Variants in GON4L observed in about 807,000 individuals in gnomAD.
GON4L encodes the protein gon-4 like.
A neutral mutation model predicts 211.8 loss-of-function variants in GON4L; 87 were observed. The observed-to-expected ratio is 0.41, with a 90% CI of 0.35 to 0.49. GON4L has a LOEUF of 0.49. Among genes scored for constraint, GON4L ranks in the 20% least tolerant of loss-of-function variants. The pLI, the probability that GON4L is intolerant of heterozygous loss-of-function variation, is 0.15. For missense variants in GON4L, 2,155 were observed against 2,659.5 expected (o/e 0.81, Z 4.17); for synonymous variants, 875 against 962.6 (o/e 0.91, Z 1.68).
At chr1:155,843,785 T>A (rs751260280) in intron 2 of GON4L, among the ~76,000 whole-genome samples, 2 of 152,194 alleles carry the variant, frequency 1.3e-5, no homozygotes, top group East Asian at 1.9e-4. Flanking sequence ...GGCTACTCAA[T>A]CACCCCCATT....
chr1:155,829,466 C>T (rs1471633520), intron 2 of GON4L, among the ~76,000 whole-genome samples: 2 of 151,972 alleles, frequency 1.3e-5, no homozygotes, highest in African/African-American at 2.4e-5. Flanking sequence ...ATTAGCCAGC[C>T]GTGGTGGCAG....
At chr1:155,836,724 CTT>C (rs1351218175) in intron 2 of GON4L, among the ~76,000 whole-genome samples, 1 of 152,216 alleles carries the variant, frequency 6.6e-6, no homozygotes, top group Non-Finnish European at 1.5e-5. Flanking sequence ...TTGTAATTTA[CTT>C]TGTCACCTTC....
intron 12 of GON4L, among the ~76,000 whole-genome samples, chr1:155,785,711 G>A (rs1664871048): frequency 6.6e-6 from 1 of 152,092 alleles, no homozygotes. Context: ...GAACTCCTGA[G>A]CTCAAGTGAT....
intron 12 of GON4L, among the ~76,000 whole-genome samples, chr1:155,789,337 G>A (rs1383400823): frequency 6.6e-6 from 1 of 152,028 alleles, no homozygotes; most frequent in African/African-American, 2.4e-5. Context: ...TTATATGCGT[G>A]CTGAAGTGGT....
rs145151299 is a variant in GON4L at position 155,855,584 on chromosome 1, C to T, written c.-27+1563G>A. ...CTGAGTATTGATACTCAATGTGTCA[C>T]TGAATATTGTAGATACTCAATGAAT... On this transcript the variant is annotated intron_variant, in intron 1 of 31. Transcript: ENST00000368331. Among the ~76,000 whole-genome samples the T allele has an allele frequency of 3.3e-5, 5 of 152,260 alleles. No individual in the cohort carries two copies. The East Asian group carries it at 9.6e-4, about 29-fold the overall frequency.
intron 18 of GON4L, among the ~76,000 whole-genome samples, chr1:155,772,550 T>A (rs1273931641): frequency 1.3e-5 from 2 of 148,644 alleles, no homozygotes; most frequent in Non-Finnish European, 3.0e-5. Flanking sequence ...TCCAGGAGTT[T>A]GAGAGATGCC....
At chr1:155,829,411 T>C (rs1571883147) in intron 2 of GON4L, among the ~76,000 whole-genome samples, 1 of 145,288 alleles carries the variant, frequency 6.9e-6, no homozygotes, top group African/African-American at 2.4e-5. Context: ...TTTGAGACCA[T>C]GCTGGGTAAC....
intron 11 of GON4L, among the ~76,000 whole-genome samples, chr1:155,796,252 G>T (rs1356364827): frequency 1.3e-5 from 2 of 150,938 alleles, no homozygotes; most frequent in Non-Finnish European, 3.0e-5. Context: ...TAGAAATATG[G>T]ATGTTCTTCT....
chr1:155,748,225 G>A (rs996367513), downstream of GON4L: 57 of 1,359,158 alleles, frequency 4.2e-5, no homozygotes, highest in Admixed American at 3.6e-4. Context: ...CCTGAGGCCC[G>A]AGCTTGAACT....
Position 155,813,683 on chromosome 1 carries a change from G to A in GON4L, c.1403C>T (p.Ala468Val), listed in dbSNP as rs758269835. 2.5e-6 allele frequency: 4 copies of A among 1,613,400 alleles called. No individual in the cohort carries two copies. The highest frequency in any genetic ancestry group is 2.2e-5 in the East Asian group (1 of 44,880). ...ACTGGAAGCCAGCTCCTCATCTACCGCATGTAACTTCTCCATGAAAGTACT... is the reference window on the plus strand; with the variant it reads ...ACTGGAAGCCAGCTCCTCATCTACCACATGTAACTTCTCCATGAAAGTACT... ...RDSTFMEKLHAVDEELASSPV... is the reference protein window; with the variant it reads ...RDSTFMEKLHVVDEELASSPV... Residue 468 changes from alanine (A) to valine (V), a missense_variant, in exon 10 of 32, where the codon GCG becomes GTG. Ala to Val is a moderately conservative substitution (Grantham distance 64, BLOSUM62 0). This residue lies in a region of GON4L where 551 missense variants were observed against 854.0 expected (regional missense o/e 0.65). Coordinates refer to ENST00000368331, the MANE Select transcript of GON4L (RefSeq NM_001282860.2).
intron 17 of GON4L, 176 bp downstream of exon 17, chr1:155,774,819 ATTATCAT>A (rs1297022073): frequency 3.3e-6 from 3 of 914,622 alleles, no homozygotes; most frequent in Non-Finnish European, 3.5e-6. Flanking sequence ...AGGCCCAGAG[ATTATCAT>A]GTAATTCTAG....
intron 14 of GON4L, among the ~76,000 whole-genome samples, chr1:155,780,338 T>C (rs1664293811): frequency 6.6e-6 from 1 of 151,906 alleles, no homozygotes; most frequent in African/African-American, 2.4e-5. Context: ...AAGCCAGTAA[T>C]GCCAGCAATT....
intron 3 of GON4L, among the ~76,000 whole-genome samples, chr1:155,825,338 C>A (rs144194570): frequency 1.1e-3 from 155 of 144,534 alleles, no homozygotes; most frequent in African/African-American, 3.8e-3. Context: ...CTTGGGAGGC[C>A]GAGGCGGGCA....
intron 10 of GON4L, among the ~76,000 whole-genome samples, chr1:155,805,946 C>A (rs1251369446): frequency 6.6e-6 from 1 of 151,544 alleles, no homozygotes; most frequent in Non-Finnish European, 1.5e-5. Context: ...ACCTCAGCCT[C>A]CCAAAGTGTT....
intron 20 of GON4L, 120 bp downstream of exon 20, chr1:155,767,305 A>T: frequency 6.2e-7 from 1 of 1,601,254 alleles, no homozygotes. Flanking sequence ...TGAATCAGGA[A>T]GATTTCTAAA....
chr1:155,785,107 A>T, intron 13 of GON4L: 7 of 608,256 alleles, frequency 1.2e-5, no homozygotes, highest in South Asian at 1.1e-4. Flanking sequence ...TCAAACAAAA[A>T]GAAGTTTCAA....
chr1:155,821,587 T>C (rs747785862), intron 4 of GON4L, 39 bp from the exon 5 acceptor site: 1 of 1,192,882 alleles, frequency 8.4e-7, no homozygotes, highest in East Asian at 2.3e-5. Flanking sequence ...CAACAAGGGT[T>C]TGTCACCTAG....
chr1:155,847,875 A>G (rs1300618033), intron 2 of GON4L, among the ~76,000 whole-genome samples: 6 of 152,100 alleles, frequency 3.9e-5, no homozygotes, highest in Non-Finnish European at 5.9e-5. Flanking sequence ...CTCTGTCTCA[A>G]AATAAATAAA....
chr1:155,754,269 TTATTTA>T (rs758753549), intron 28 of GON4L, 100 bp downstream of exon 28: 2 of 779,742 alleles, frequency 2.6e-6, no homozygotes, highest in African/African-American at 3.4e-5. Context: ...ATACTGAATG[TTATTTA>T]TATATGTGCC....
Sources: gnomAD v4.1 joint callset for allele counts (sites outside exome capture counted in the v4.1 genomes callset) on GRCh38, gnomAD v4.1.1 for gene constraint, gnomAD v4.1.1 regional missense constraint, MANE v1.5 for transcripts, NCBI Gene and HGNC (gene_info 2026-07-23, HGNC 2026-07-21) for gene names.